Variants in PRRG4 observed in about 807,000 individuals in gnomAD.
PRRG4 encodes the protein proline rich and Gla domain 4.
Under a neutral mutation model 20.0 loss-of-function variants are expected in PRRG4, and 12 were observed. The ratio of observed to expected loss-of-function variants is 0.60; its 90% CI spans 0.38 to 0.97. PRRG4 has a LOEUF of 0.97. Ranked by LOEUF, PRRG4 falls within the 50% of genes least tolerant of loss-of-function variation. PRRG4 has a pLI of 0.00. For missense variants in PRRG4, 199 were observed against 265.1 expected (o/e 0.75, Z 1.73); for synonymous variants, 94 against 96.4 (o/e 0.98, Z 0.15).
chr11:32,851,932 TATAG>T (rs1383035837), intron 5 of PRRG4, among the ~76,000 whole-genome samples: 1 of 152,192 alleles, frequency 6.6e-6, no homozygotes, highest in Non-Finnish European at 1.5e-5. Context: ...TTAATGTATG[TATAG>T]ATACTTTATA....
intron 2 of PRRG4, among the ~76,000 whole-genome samples, chr11:32,831,014 G>C (rs879370348): frequency 6.6e-6 from 1 of 152,106 alleles, no homozygotes; most frequent in East Asian, 1.9e-4. Flanking sequence ...CTGGACTTGC[G>C]AGACCCTGGG....
chr11:32,855,574 A>C lies in PRRG4; in HGVS notation c.*2047A>C, dbSNP rs1851222643. 6.6e-6 allele frequency: 1 copy of C among 152,218 alleles called. No individual in the cohort carries two copies. The highest frequency in any genetic ancestry group is 1.5e-5 in the Non-Finnish European group (1 of 68,036). 9.4% of individuals were successfully genotyped at this position (152,218 alleles called of 1,614,324 possible). A position where few individuals can be genotyped will look rare whatever the true frequency, so the allele number is the denominator to read the frequency against. On this transcript the variant is annotated 3_prime_UTR_variant, in exon 6 of 6. Transcript: ENST00000257836. Reference sequence around the variant, plus strand: ...AGTGTATGTCTCTCTTTTAAGATGCATCATCTTAAGGCAGATAAAAGTAAG... The same window carrying C: ...AGTGTATGTCTCTCTTTTAAGATGCCTCATCTTAAGGCAGATAAAAGTAAG...
At chr11:32,830,453 C>CA (rs1050027730) in intron 1 of PRRG4, 55 bp from the exon 2 acceptor site, 2 of 1,269,010 alleles carry the variant, frequency 1.6e-6, no homozygotes, top group South Asian at 1.8e-5. Context: ...GACAGAAACT[C>CA]AAAGTGCTGA....
Position 32,855,212 on chromosome 11 carries a change from C to T in PRRG4, c.*1685C>T, listed in dbSNP as rs1851220205. 2 of 152,194 alleles carry T rather than the reference C, an allele frequency of 1.3e-5. No homozygotes were observed. Among genetic ancestry groups the T allele is most frequent in the South Asian group, 4.1e-4 (2 of 4,820 alleles). 9.4% of individuals were successfully genotyped at this position (152,194 alleles called of 1,614,324 possible). A position where few individuals can be genotyped will look rare whatever the true frequency, so the allele number is the denominator to read the frequency against. ...TCTTCTTCTAAATCATATGTATAACCAGTTTTTCCTTAAGAATGTAGCAGC... is the reference window on the plus strand; with the variant it reads ...TCTTCTTCTAAATCATATGTATAACTAGTTTTTCCTTAAGAATGTAGCAGC... On this transcript the variant is annotated 3_prime_UTR_variant, in exon 6 of 6. Transcript: ENST00000257836.
At position 32,832,479 on chromosome 11, in the gene PRRG4, C is replaced by CTT. The variant is rs555430349; in HGVS notation, c.103+1865_103+1866dup. On this transcript the variant is annotated intron_variant, in intron 2 of 5. Coordinates refer to ENST00000257836, the MANE Select transcript of PRRG4 (RefSeq NM_024081.6). ...GAAATAAAGGACCTTTGGTGAAATT[C>CTT]TTTTTTTTTTTTTTTTTTTCAGACA... 8.0e-3 allele frequency among the ~76,000 whole-genome samples: 965 copies of CTT among 121,186 alleles called. 25 individuals carry two copies. Among genetic ancestry groups the CTT allele is most frequent in the African/African-American group, 0.016 (496 of 31,950 alleles). The allele number at this position is 121,186 out of a possible 152,430, so 79.5% of individuals were successfully genotyped here.
chr11:32,845,841 C>A (rs574486189), intron 5 of PRRG4, among the ~76,000 whole-genome samples: 29 of 151,918 alleles, frequency 1.9e-4, no homozygotes, highest in African/African-American at 6.5e-4. Context: ...ATAGTCTTGA[C>A]CAAAGATTTT....
At chr11:32,845,159 C>T (rs1224877485) in intron 5 of PRRG4, among the ~76,000 whole-genome samples, 1 of 152,110 alleles carries the variant, frequency 6.6e-6, no homozygotes, top group African/African-American at 2.4e-5. Context: ...TCTTCCACAT[C>T]ACCTGCTGTT....
rs997055198 is a variant in PRRG4, at chr11:32,829,978, C to T, written c.-218C>T. 1.0e-6 allele frequency: 1 copy of T among 984,658 alleles called. No homozygotes were observed. The highest frequency in any genetic ancestry group is 1.2e-6 in the Non-Finnish European group (1 of 829,514). The allele number at this position is 984,658 out of a possible 1,614,324, so 61.0% of individuals were successfully genotyped here. On this transcript the variant is annotated 5_prime_UTR_variant, in exon 1 of 6. Coordinates refer to ENST00000257836, the MANE Select transcript of PRRG4 (RefSeq NM_024081.6). ...GGCAGGACCTCACCCCGCGCGTGTT[C>T]CCCGGGCGCCCCTCTGCGAACCCCA...
At chr11:32,848,919 C>T (rs866351979) in intron 5 of PRRG4, among the ~76,000 whole-genome samples, 1 of 149,904 alleles carries the variant, frequency 6.7e-6, no homozygotes, top group Admixed American at 6.7e-5. Context: ...CTGCAGTGAG[C>T]CGAGATGGCT....
chr11:32,829,892 G>A (rs1850945715), upstream of PRRG4: 1 of 985,510 alleles, frequency 1.0e-6, no homozygotes, highest in African/African-American at 1.7e-5. Context: ...GGTGGGGCGC[G>A]GCCAGGTGTC....
chr11:32,839,653 TATAA>T (rs1851056791), intron 4 of PRRG4, among the ~76,000 whole-genome samples: 2 of 139,724 alleles, frequency 1.4e-5, no homozygotes, highest in African/African-American at 5.4e-5. Context: ...ATTATTAAAA[TATAA>T]GTATTATATT....
chr11:32,854,493 G>C lies in PRRG4; in HGVS notation c.*966G>C, dbSNP rs1476947266. On this transcript the variant is annotated 3_prime_UTR_variant, in exon 6 of 6. Transcript: ENST00000257836. ...GAATCGCTTGAACTCGGGAGGTGGA[G>C]GTTGTAGTGAGGCGAGATTGTGCCA... The C allele has an allele frequency of 6.6e-6, 1 of 150,612 alleles. No homozygotes were observed. Among genetic ancestry groups the C allele is most frequent in the African/African-American group, 2.5e-5 (1 of 40,796 alleles). 9.3% of individuals were successfully genotyped at this position (150,612 alleles called of 1,614,324 possible).
rs1433150836 is a variant in PRRG4, at chr11:32,855,595, G to T, written c.*2068G>T. On this transcript the variant is annotated 3_prime_UTR_variant, in exon 6 of 6. Transcript: ENST00000257836. The stretch of plus-strand genomic sequence containing the variant: ...ATGCATCATCTTAAGGCAGATAAAA[G>T]TAAGTCCTTAATCATTACAGACTGC... The T allele has an allele frequency of 6.6e-6, 1 of 152,180 alleles. No individual in the cohort carries two copies. The highest frequency in any genetic ancestry group is 2.4e-5 in the African/African-American group (1 of 41,454). 9.4% of individuals were successfully genotyped at this position (152,180 alleles called of 1,614,324 possible).
chr11:32,845,703 G>C (rs146420451), intron 5 of PRRG4, among the ~76,000 whole-genome samples: 127 of 151,192 alleles, frequency 8.4e-4, no homozygotes, highest in African/African-American at 2.8e-3. Context: ...ATCAGTGTGG[G>C]ATACAACTAG....
At chr11:32,851,919 A>T (rs1016471279) in intron 5 of PRRG4, among the ~76,000 whole-genome samples, 1 of 152,168 alleles carries the variant, frequency 6.6e-6, no homozygotes. Flanking sequence ...TAACTATAGG[A>T]GGTTAATGTA....
At chr11:32,835,052 G>A (rs376604921) in intron 2 of PRRG4, among the ~76,000 whole-genome samples, 1 of 152,080 alleles carries the variant, frequency 6.6e-6, no homozygotes, top group African/African-American at 2.4e-5. Flanking sequence ...AGGCTCAAGC[G>A]ATCCACCTGC....
intron 3 of PRRG4, among the ~76,000 whole-genome samples, chr11:32,838,413 A>C (rs1048784628): frequency 2.0e-5 from 3 of 151,878 alleles, no homozygotes; most frequent in Non-Finnish European, 4.4e-5. Context: ...CCATGATCAC[A>C]CCACTGCACT....
chr11:32,838,641 T>C (rs1442256899), intron 3 of PRRG4, among the ~76,000 whole-genome samples: 5 of 152,008 alleles, frequency 3.3e-5, no homozygotes. Context: ...GGGAAAATAG[T>C]AGGCACAGTA....
intron 3 of PRRG4, 116 bp downstream of exon 3, chr11:32,836,937 A>T: frequency 1.3e-6 from 1 of 765,256 alleles, no homozygotes; most frequent in Non-Finnish European, 2.1e-6. Context: ...TGTACCTGCT[A>T]TCTCTTTCTA....
Sources: allele counts gnomAD v4.1 joint callset (sites outside exome capture counted in the v4.1 genomes callset), GRCh38; gene constraint gnomAD v4.1.1; transcripts MANE v1.5; gene names NCBI Gene and HGNC (gene_info 2026-07-23, HGNC 2026-07-21).